Variants in OSBPL10 observed in about 807,000 individuals in gnomAD.
The protein encoded by OSBPL10 is oxysterol binding protein like 10.
Under a neutral mutation model 81.7 loss-of-function variants are expected in OSBPL10, and 49 were observed. That is an observed-to-expected ratio of 0.60 (90% CI 0.48 to 0.76). The LOEUF (loss-of-function observed/expected upper bound fraction) is 0.76, where lower values mean the gene tolerates loss of function less well. Ranked by LOEUF, OSBPL10 falls within the 30% of genes least tolerant of loss-of-function variation. The pLI is 0.00. For missense variants in OSBPL10, 923 were observed against 987.8 expected (o/e 0.93, Z 0.88); for synonymous variants, 419 against 383.6 (o/e 1.09, Z -1.08).
chr3:31,767,695 A>G (rs1216791172), intron 4 of OSBPL10, among the ~76,000 whole-genome samples: 1 of 152,196 alleles, frequency 6.6e-6, no homozygotes, highest in African/African-American at 2.4e-5. Flanking sequence ...GGCTAGTGCA[A>G]GGTGACCCTA....
intron 2 of OSBPL10, among the ~76,000 whole-genome samples, chr3:32,032,384 T>A (rs1473697560): frequency 2.0e-5 from 3 of 152,062 alleles, no homozygotes; most frequent in Admixed American, 6.6e-5. Flanking sequence ...CACTCCAGCC[T>A]GGGCGACAGA....
chr3:31,833,733 ACACACT>A (rs1446104000), intron 3 of OSBPL10, among the ~76,000 whole-genome samples: 4 of 150,516 alleles, frequency 2.7e-5, no homozygotes, highest in African/African-American at 9.9e-5. Flanking sequence ...ACACACACAC[ACACACT>A]CTCTCTCTCT....
intron 4 of OSBPL10, among the ~76,000 whole-genome samples, chr3:31,818,789 G>A (rs1316847729): frequency 1.3e-5 from 1 of 77,282 alleles, no homozygotes; most frequent in Non-Finnish European, 2.9e-5. Flanking sequence ...TCAAGGACAA[G>A]GCAGTGACAG....
chr3:32,003,985 A>C (rs1384211301), intron 2 of OSBPL10, among the ~76,000 whole-genome samples: 1 of 152,190 alleles, frequency 6.6e-6, no homozygotes, highest in Non-Finnish European at 1.5e-5. Flanking sequence ...GTGAGATAAA[A>C]GGAGTTGTCA....
chr3:31,767,919 C>T (rs551771320), intron 4 of OSBPL10, among the ~76,000 whole-genome samples: 2 of 152,222 alleles, frequency 1.3e-5, no homozygotes, highest in East Asian at 1.9e-4. Flanking sequence ...CAAAAGCCAG[C>T]CTACAGAGTA....
intron 1 of OSBPL10, among the ~76,000 whole-genome samples, chr3:31,970,683 G>A (rs1223022558): frequency 2.6e-5 from 4 of 152,240 alleles, no homozygotes; most frequent in Non-Finnish European, 5.9e-5. Context: ...GATAATATAC[G>A]TAAAGTGTCT....
intron 4 of OSBPL10, among the ~76,000 whole-genome samples, chr3:31,790,017 G>T (rs1698972231): frequency 1.3e-5 from 2 of 151,566 alleles, no homozygotes; most frequent in Non-Finnish European, 2.9e-5. Flanking sequence ...TTAAGAACAT[G>T]ATTTTAAAGA....
At chr3:31,685,617 C>T (rs1395505199) in intron 7 of OSBPL10, among the ~76,000 whole-genome samples, 1 of 152,196 alleles carries the variant, frequency 6.6e-6, no homozygotes, top group Non-Finnish European at 1.5e-5. Context: ...AGGGAACACA[C>T]CGGGTTCCAG....
rs368642500 is a variant in OSBPL10 at position 32,065,640 on chromosome 3, G to A, written n.185+11756C>T. 1.4e-4 allele frequency among the ~76,000 whole-genome samples: 13 copies of A among 91,248 alleles called. 5 individuals carry two copies. The East Asian group carries it at 1.5e-3, about 11-fold the overall frequency. The allele number at this position is 91,248 out of a possible 152,430, so 59.9% of individuals were successfully genotyped here. A position where few individuals can be genotyped will look rare whatever the true frequency, so the allele number is the denominator to read the frequency against. On this transcript the variant is annotated intron_variant and non_coding_transcript_variant, in intron 1 of 3. Coordinates refer to the OSBPL10 transcript ENST00000479173. The stretch of plus-strand genomic sequence containing the variant: ...CTCACTCCTATAATCCCCCCGCTTT[G>A]AGAGCCTGAGGCAGGTGGATCACTT...
At chr3:31,779,272 G>A (rs138939502) in intron 4 of OSBPL10, among the ~76,000 whole-genome samples, 8 of 152,178 alleles carry the variant, frequency 5.3e-5, no homozygotes, top group Middle Eastern at 3.4e-3. Flanking sequence ...AATACAGAAT[G>A]GCAGAATGGA....
At chr3:31,961,177 T>G (rs1316190576) in intron 1 of OSBPL10, among the ~76,000 whole-genome samples, 1 of 151,132 alleles carries the variant, frequency 6.6e-6, no homozygotes, top group Non-Finnish European at 1.5e-5. Context: ...CCAAACCCAC[T>G]CTTTGGCTCA....
chr3:31,709,922 A>T (rs1559427377), intron 6 of OSBPL10, among the ~76,000 whole-genome samples: 1 of 152,236 alleles, frequency 6.6e-6, no homozygotes, highest in Non-Finnish European at 1.5e-5. Context: ...TAACACAGCC[A>T]AGAGCTCTGA....
chr3:31,871,259 G>T (rs142702226), intron 3 of OSBPL10, among the ~76,000 whole-genome samples: 101 of 152,182 alleles, frequency 6.6e-4, no homozygotes, highest in African/African-American at 2.3e-3. Context: ...CCTGAAGCCA[G>T]CGAGACCATG....
intron 1 of OSBPL10, among the ~76,000 whole-genome samples, chr3:31,930,713 G>A (rs11714920): frequency 2.0e-5 from 3 of 151,820 alleles, no homozygotes; most frequent in Non-Finnish European, 4.4e-5. Context: ...ATTGCTACTG[G>A]GTAGAATAAA....
intron 2 of OSBPL10, among the ~76,000 whole-genome samples, chr3:32,036,918 A>T (rs879843993): frequency 2.6e-5 from 4 of 152,260 alleles, no homozygotes; most frequent in Admixed American, 1.3e-4. Context: ...ACTTATCCTC[A>T]TTCTAACCAA....
chr3:31,930,164 AAATTTTTTTTT>A (rs1697200539), intron 1 of OSBPL10, among the ~76,000 whole-genome samples: 1 of 151,774 alleles, frequency 6.6e-6, no homozygotes, highest in South Asian at 2.1e-4. Flanking sequence ...CAAAAAAAAA[AAATTTTTTTTT>A]AATTAAAAAA....
At chr3:31,807,241 G>A (rs111809888) in intron 4 of OSBPL10, among the ~76,000 whole-genome samples, 14,207 of 152,046 alleles carry the variant, frequency 0.093, 864 homozygotes, top group Non-Finnish European at 0.14. Flanking sequence ...TTAGCCAGGC[G>A]TCGTGTTGCA....
At chr3:31,913,904 CTTTAT>C (rs1696665726) in intron 1 of OSBPL10, among the ~76,000 whole-genome samples, 1 of 152,070 alleles carries the variant, frequency 6.6e-6, no homozygotes, top group African/African-American at 2.4e-5. Context: ...TTTCTTCCTT[CTTTAT>C]TTTTTGATTG....
chr3:32,052,417 C>A (rs982203611), intron 1 of OSBPL10, among the ~76,000 whole-genome samples: 2 of 152,008 alleles, frequency 1.3e-5, no homozygotes, highest in African/African-American at 4.8e-5. Context: ...GGATCTAGAA[C>A]CAGAAATACC....
Sources: gnomAD v4.1 joint callset for allele counts (sites outside exome capture counted in the v4.1 genomes callset) on GRCh38, gnomAD v4.1.1 for gene constraint, MANE v1.5 for transcripts, NCBI Gene and HGNC (gene_info 2026-07-23, HGNC 2026-07-21) for gene names.